Variants in UBE2Z observed in about 807,000 individuals in gnomAD.
UBE2Z encodes the protein ubiquitin-conjugating enzyme E2 Z.
UBE2Z carries 10 observed loss-of-function variants against 32.6 expected under a neutral mutation model. The ratio of observed to expected loss-of-function variants is 0.31; its 90% CI spans 0.19 to 0.52. UBE2Z has a LOEUF of 0.52. UBE2Z is among the 20% of genes least tolerant of loss of function. The probability of loss-of-function intolerance (pLI) is 0.97; values close to 1 mark genes in which losing one functional copy is unlikely to be tolerated. For synonymous variants in UBE2Z, 183 were observed against 190.8 expected (o/e 0.96, Z 0.34); for missense variants, 343 against 480.9 (o/e 0.71, Z 2.68).
Position 48,927,164 on chromosome 17 carries a change from CAA to C in UBE2Z, c.*31_*32del, listed in dbSNP as rs1567781324. On this transcript the variant is annotated 3_prime_UTR_variant, in exon 7 of 7. Transcript: ENST00000360943. ...TGCTCCCATCTCCCCTTCCCCCACTCAAGAGTCCCAGCAGAATCCCTTCCCCC... is the reference window on the plus strand; with the variant it reads ...TGCTCCCATCTCCCCTTCCCCCACTCGAGTCCCAGCAGAATCCCTTCCCCC... 26 of 1,610,000 alleles carry C rather than the reference CAA, an allele frequency of 1.6e-5. No homozygotes were observed. Among genetic ancestry groups the C allele is most frequent in the East Asian group, 2.2e-5 (1 of 44,796 alleles).
rs1035404625 is a variant in UBE2Z, at chr17:48,908,640, GGGCGGC to G, written c.147_152del (p.Ala51_Ala52del). 1 of 1,228,380 alleles carries G rather than the reference GGGCGGC, an allele frequency of 8.1e-7. No individual in the cohort carries two copies. The highest frequency in any genetic ancestry group is 3.3e-5 in the East Asian group (1 of 30,654). 76.1% of individuals were successfully genotyped at this position (1,228,380 alleles called of 1,614,324 possible). A position where few individuals can be genotyped will look rare whatever the true frequency, so the allele number is the denominator to read the frequency against. ...GGGCCGCCTTTCCTGCCGGATGTGT[GGGCGGC>G]GGCGGCGGCAGCGGGCGGGGCCGGG... On this transcript the variant is annotated inframe_deletion, in exon 1 of 7. Transcript: ENST00000360943.
chr17:48,920,519 A>G (rs1173685322), intron 4 of UBE2Z, among the ~76,000 whole-genome samples: 1 of 151,710 alleles, frequency 6.6e-6, no homozygotes, highest in African/African-American at 2.4e-5. Context: ...AAAAAATAAA[A>G]ACTCGGGGCC....
intron 1 of UBE2Z, among the ~76,000 whole-genome samples, chr17:48,909,959 C>G (rs2040664005): frequency 6.6e-6 from 1 of 152,218 alleles, no homozygotes; most frequent in African/African-American, 2.4e-5. Context: ...AACTGAAACT[C>G]AGCACTCAAC....
At chr17:48,911,653 G>T (rs1454636831) in intron 2 of UBE2Z, 2 of 152,120 alleles carry the variant, frequency 1.3e-5, no homozygotes, top group Non-Finnish European at 2.9e-5. Context: ...GTTTTGAATA[G>T]ATTTCCCTTC....
intron 4 of UBE2Z, among the ~76,000 whole-genome samples, chr17:48,916,608 T>TTTGTTTTGTC (rs2040722199): frequency 6.6e-6 from 1 of 151,590 alleles, no homozygotes; most frequent in South Asian, 2.1e-4. Context: ...TTTGTTTTGT[T>TTTGTTTTGTC]TTGTTTTGGA....
Position 48,915,872 on chromosome 17 carries a change from C to CT in UBE2Z, c.579-204_579-203insT, listed in dbSNP as rs559556108. ...GCTATTACCTGTTCTTTTGCCCCCC[C>CT]CCCTTGATTTGAGGATTAGGCAATT... On this transcript the variant is annotated intron_variant, in intron 3 of 6. Transcript: ENST00000360943. The CT allele has an allele frequency of 1.1e-4, 37 of 338,428 alleles. 3 individuals are homozygous for CT. Among genetic ancestry groups the CT allele is most frequent in the African/African-American group, 7.3e-4 (30 of 41,148 alleles). The allele number at this position is 338,428 out of a possible 1,614,324, so 21.0% of individuals were successfully genotyped here.
intron 4 of UBE2Z, among the ~76,000 whole-genome samples, chr17:48,917,960 G>C (rs1012930587): frequency 4.6e-5 from 7 of 152,162 alleles, no homozygotes; most frequent in African/African-American, 1.7e-4. Context: ...TTTTGAGACA[G>C]AGTTTCACTA....
chr17:48,909,671 C>A (rs2143755382), intron 1 of UBE2Z, among the ~76,000 whole-genome samples: 1 of 151,882 alleles, frequency 6.6e-6, no homozygotes, highest in East Asian at 1.9e-4. Flanking sequence ...TAGATCCTAT[C>A]ATTTAGTAGA....
At chr17:48,916,634 T>C (rs1452610596) in intron 4 of UBE2Z, among the ~76,000 whole-genome samples, 2 of 149,020 alleles carry the variant, frequency 1.3e-5, no homozygotes, top group African/African-American at 2.4e-5. Context: ...CACAGCCCCA[T>C]GTACTACATT....
At chr17:48,923,033 C>A in intron 6 of UBE2Z, 96 bp downstream of exon 6, 1 of 1,158,636 alleles carries the variant, frequency 8.6e-7, no homozygotes, top group Non-Finnish European at 1.2e-6. Context: ...TAGAATGACA[C>A]AGCTAAGCCT....
At chr17:48,917,304 TA>T (rs1355581030) in intron 4 of UBE2Z, among the ~76,000 whole-genome samples, 1 of 152,066 alleles carries the variant, frequency 6.6e-6, no homozygotes, top group African/African-American at 2.4e-5. Flanking sequence ...GACACCGTCT[TA>T]AAAAAATAAT....
At chr17:48,926,143 G>A (rs1045973063) in intron 6 of UBE2Z, among the ~76,000 whole-genome samples, 36 of 152,156 alleles carry the variant, frequency 2.4e-4, no homozygotes, top group African/African-American at 8.2e-4. Flanking sequence ...CAGAAACCTG[G>A]ATGGGAATGG....
chr17:48,908,701 C>G lies in UBE2Z; in HGVS notation c.198C>G (p.Pro66=). The G allele has an allele frequency of 7.7e-7, 1 of 1,303,306 alleles. No homozygotes were observed. Among genetic ancestry groups the G allele is most frequent in the South Asian group, 2.1e-5 (1 of 47,632 alleles). The allele number at this position is 1,303,306 out of a possible 1,614,324, so 80.7% of individuals were successfully genotyped here. ...GGPGSGLAPL[P]GLPPSAAAHG... is the part of the protein sequence containing the mutation. The stretch of plus-strand genomic sequence containing the variant: ...CGGGGAGCGGCCTGGCTCCGCTGCC[C>G]GGGCTCCCGCCCTCAGCCGCTGCCC... Residue 66 remains proline (P), a synonymous_variant, in exon 1 of 7, where the codon CCC becomes CCG. Transcript: ENST00000360943.
chr17:48,922,984 T>G (rs766568094), intron 6 of UBE2Z, 47 bp downstream of exon 6: 32 of 1,533,178 alleles, frequency 2.1e-5, no homozygotes, highest in Non-Finnish European at 2.6e-5. Flanking sequence ...CAGCTGGCCA[T>G]GTAAAAGCCC....
intron 6 of UBE2Z, among the ~76,000 whole-genome samples, chr17:48,924,168 G>A (rs1457183903): frequency 6.6e-6 from 1 of 152,040 alleles, no homozygotes; most frequent in East Asian, 1.9e-4. Flanking sequence ...GTAGAGATAG[G>A]GTCCCACTCT....
intron 2 of UBE2Z, chr17:48,912,076 T>TA (rs1242373531): frequency 2.0e-5 from 2 of 98,590 alleles, no homozygotes; most frequent in African/African-American, 3.2e-5. Context: ...TTTTTTTTTT[T>TA]AAACAGTATT....
At chr17:48,923,415 G>A (rs2040776988) in intron 6 of UBE2Z, among the ~76,000 whole-genome samples, 2 of 151,780 alleles carry the variant, frequency 1.3e-5, no homozygotes, top group African/African-American at 4.9e-5. Context: ...CAGATCACCT[G>A]AGGTCGGGAG....
At position 48,923,026 on chromosome 17, in the gene UBE2Z, A is replaced by C. The variant is rs750447640; in HGVS notation, c.894+89A>C. 13 of 1,218,126 alleles carry C rather than the reference A, an allele frequency of 1.1e-5. No individual in the cohort carries two copies. The African/African-American group carries it at 2.0e-4, about 18-fold the overall frequency. The allele number at this position is 1,218,126 out of a possible 1,614,324, so 75.5% of individuals were successfully genotyped here. ...AGCGTGGCATCGACAGCTGTCATAG[A>C]ATGACACAGCTAAGCCTGGGTTCAG... On this transcript the variant is annotated intron_variant, in intron 6 of 6. Transcript: ENST00000360943.
At chr17:48,910,764 C>T in intron 1 of UBE2Z, 44 bp from the exon 2 acceptor site, 3 of 1,470,654 alleles carry the variant, frequency 2.0e-6, no homozygotes, top group Non-Finnish European at 2.9e-6. Flanking sequence ...CCCCTTTCCC[C>T]CTCTTCCTCA....
Sources: allele counts gnomAD v4.1 joint callset (sites outside exome capture counted in the v4.1 genomes callset), GRCh38; gene constraint gnomAD v4.1.1; transcripts MANE v1.5; gene names NCBI Gene and HGNC (gene_info 2026-07-23, HGNC 2026-07-21).